Variants in WDR49 observed in about 807,000 individuals in gnomAD.
WDR49 encodes WD repeat domain 49, also known as cilia- and flagella-associated protein 337.
A neutral mutation model predicts 119.5 loss-of-function variants in WDR49; 107 were observed. That is an observed-to-expected ratio of 0.90 (90% CI 0.77 to 1.05). The LOEUF (loss-of-function observed/expected upper bound fraction) is 1.05. Among genes scored for constraint, WDR49 ranks in the 50% least tolerant of loss-of-function variants. The pLI, the probability that WDR49 is intolerant of heterozygous loss-of-function variation, is 0.00. For missense variants in WDR49, 1,240 were observed against 1,220.5 expected (o/e 1.02, Z -0.24); for synonymous variants, 425 against 418.8 (o/e 1.01, Z -0.18).
At chr3:167,618,686 G>C (rs143333259) in intron 5 of WDR49, among the ~76,000 whole-genome samples, 1 of 151,976 alleles carries the variant, frequency 6.6e-6, no homozygotes, top group Admixed American at 6.6e-5. Context: ...GTGATTTAAG[G>C]CCAGACTGTG....
intron 3 of WDR49, among the ~76,000 whole-genome samples, chr3:167,622,221 A>C (rs1379086764): frequency 6.6e-6 from 1 of 152,048 alleles, no homozygotes; most frequent in Non-Finnish European, 1.5e-5. Flanking sequence ...ACAACTAAAG[A>C]AAACAAGATC....
chr3:167,561,416 G>A (rs1440157082), intron 8 of WDR49, among the ~76,000 whole-genome samples: 2 of 151,990 alleles, frequency 1.3e-5, no homozygotes, highest in East Asian at 1.9e-4. Context: ...CCAAGGAAAT[G>A]GATCTTTAAA....
chr3:167,636,166 C>T (rs944800680), intron 2 of WDR49, among the ~76,000 whole-genome samples: 3 of 151,554 alleles, frequency 2.0e-5, no homozygotes, highest in Non-Finnish European at 4.4e-5. Context: ...ATTCTTACGC[C>T]TTTGCATCCT....
intron 2 of WDR49, among the ~76,000 whole-genome samples, chr3:167,641,082 C>T (rs1717859708): frequency 6.6e-6 from 1 of 151,834 alleles, no homozygotes; most frequent in African/African-American, 2.4e-5. Flanking sequence ...ACAGAGATGG[C>T]AGCTGCAATG....
chr3:167,517,850 C>T (rs1752280436), intron 16 of WDR49, among the ~76,000 whole-genome samples: 1 of 151,904 alleles, frequency 6.6e-6, no homozygotes, highest in African/African-American at 2.4e-5. Context: ...CGTCATCTAG[C>T]ATTAGTTATA....
chr3:167,562,057 A>T (rs1427534250), intron 8 of WDR49, among the ~76,000 whole-genome samples: 1 of 152,118 alleles, frequency 6.6e-6, no homozygotes, highest in Non-Finnish European at 1.5e-5. Context: ...AATCTCTGGT[A>T]AGCAGCTCCA....
At chr3:167,622,259 G>T (rs1383726093) in intron 3 of WDR49, among the ~76,000 whole-genome samples, 3 of 152,050 alleles carry the variant, frequency 2.0e-5, no homozygotes, top group Non-Finnish European at 2.9e-5. Flanking sequence ...GTATGTGGCT[G>T]GGTGTGATGG....
chr3:167,501,534 C>T (rs1751567758), intron 17 of WDR49, among the ~76,000 whole-genome samples: 1 of 151,970 alleles, frequency 6.6e-6, no homozygotes, highest in South Asian at 2.1e-4. Flanking sequence ...TGAATGTTAA[C>T]AAATAATTAT....
intron 7 of WDR49, among the ~76,000 whole-genome samples, chr3:167,597,207 C>T (rs574431503): frequency 2.6e-5 from 4 of 152,286 alleles, no homozygotes; most frequent in Admixed American, 2.0e-4. Flanking sequence ...GCTCCAGCTC[C>T]AGCCTTAGCT....
At chr3:167,553,698 T>A (rs1398333879) in intron 10 of WDR49, among the ~76,000 whole-genome samples, 1 of 152,088 alleles carries the variant, frequency 6.6e-6, no homozygotes, top group African/African-American at 2.4e-5. Context: ...GGATCATGAA[T>A]CCTTTCAGAG....
chr3:167,543,076 C>A (rs1459067185), intron 10 of WDR49, among the ~76,000 whole-genome samples: 1 of 151,792 alleles, frequency 6.6e-6, no homozygotes, highest in Non-Finnish European at 1.5e-5. Context: ...ATACACAATG[C>A]CCCTTGATTA....
chr3:167,494,483 A>C (rs139071620), intron 18 of WDR49, among the ~76,000 whole-genome samples: 38 of 151,902 alleles, frequency 2.5e-4, no homozygotes, highest in African/African-American at 8.5e-4. Context: ...AAAAAAAAAA[A>C]CAGATAAATT....
intron 10 of WDR49, among the ~76,000 whole-genome samples, chr3:167,541,048 GAT>G (rs1711788669): frequency 6.6e-6 from 1 of 152,004 alleles, no homozygotes; most frequent in African/African-American, 2.4e-5. Flanking sequence ...AGAAATTTGA[GAT>G]TATATTAAAT....
intron 2 of WDR49, among the ~76,000 whole-genome samples, chr3:167,630,508 T>C (rs1490628925): frequency 6.6e-6 from 1 of 152,108 alleles, no homozygotes; most frequent in Admixed American, 6.6e-5. Flanking sequence ...CTCCGAGGTA[T>C]GCCTGTCAAG....
At chr3:167,560,029 C>T (rs1273930473) in intron 9 of WDR49, 35 bp downstream of exon 9, 1 of 1,610,530 alleles carries the variant, frequency 6.2e-7, no homozygotes, top group Non-Finnish European at 8.5e-7. Flanking sequence ...TTAGTCTCCT[C>T]ATATCTGGAT....
At chr3:167,622,081 A>G (rs911550875) in intron 3 of WDR49, among the ~76,000 whole-genome samples, 2 of 152,168 alleles carry the variant, frequency 1.3e-5, no homozygotes, top group African/African-American at 4.8e-5. Context: ...AGAAAACCCT[A>G]AAGGCTATTT....
intron 2 of WDR49, chr3:167,633,603 C>G (rs756634623): frequency 4.9e-6 from 2 of 408,180 alleles, no homozygotes; most frequent in Non-Finnish European, 4.8e-6. Flanking sequence ...AATGAACTTG[C>G]GTATAGCATC....
At chr3:167,559,916 T>C in intron 9 of WDR49, 148 bp downstream of exon 9, 1 of 705,022 alleles carries the variant, frequency 1.4e-6, no homozygotes, top group African/African-American at 1.8e-5. Context: ...CTTTATTAGA[T>C]GGTTGGAGTT....
At chr3:167,625,773 A>C (rs1577286396) in intron 3 of WDR49, among the ~76,000 whole-genome samples, 1 of 152,158 alleles carries the variant, frequency 6.6e-6, no homozygotes, top group Non-Finnish European at 1.5e-5. Flanking sequence ...TTTACACTTG[A>C]CCACCAATTC....
Sources: allele counts gnomAD v4.1 joint callset (sites outside exome capture counted in the v4.1 genomes callset), GRCh38; gene constraint gnomAD v4.1.1; transcripts MANE v1.5; gene names NCBI Gene and HGNC (gene_info 2026-07-23, HGNC 2026-07-21).